LRRC69: variants seen among roughly 807,000 people sequenced by gnomAD.
LRRC69 encodes the protein leucine-rich repeat-containing protein 69.
Under a neutral mutation model 37.8 loss-of-function variants are expected in LRRC69, and 42 were observed. The ratio of observed to expected loss-of-function variants is 1.11; its 90% CI spans 0.87 to 1.44. The LOEUF is 1.44. LRRC69 is among the 40% of genes most tolerant of loss of function. The pLI is 0.00. For synonymous variants in LRRC69, 141 were observed against 143.1 expected (o/e 0.99, Z 0.11); for missense variants, 357 against 401.9 (o/e 0.89, Z 0.96).
chr8:91,120,959 A>T (rs1417743319), intron 1 of LRRC69, among the ~76,000 whole-genome samples: 2 of 152,028 alleles, frequency 1.3e-5, no homozygotes, highest in African/African-American at 2.4e-5. Context: ...TCTTAATTTT[A>T]ACAGGGATAA....
rs1813834612 is a variant in LRRC69, at chr8:91,133,035, C to G, written c.384-75C>G. ...AAAATAAATTGACACATGGCTTCTGCTAAGTTGGGCCTATATAGTGGACTC... is the reference window on the plus strand; with the variant it reads ...AAAATAAATTGACACATGGCTTCTGGTAAGTTGGGCCTATATAGTGGACTC... On this transcript the variant is annotated intron_variant, in intron 3 of 7. Transcript: ENST00000448384. The G allele has an allele frequency of 4.9e-6, 4 of 818,440 alleles. No individual in the cohort carries two copies. In the South Asian group the frequency reaches 7.6e-5, roughly 16 times the overall value. 50.7% of individuals were successfully genotyped at this position (818,440 alleles called of 1,614,324 possible).
Position 91,116,539 on chromosome 8 carries a change from CAT to C in LRRC69, c.184-7941_184-7940del, listed in dbSNP as rs66744420. 4.3e-4 allele frequency among the ~76,000 whole-genome samples: 65 copies of C among 150,622 alleles called. No individual in the cohort carries two copies. In the Middle Eastern group the frequency reaches 0.01, roughly 24 times the overall value. On this transcript the variant is annotated intron_variant, in intron 1 of 7. Coordinates refer to ENST00000448384, the Ensembl canonical transcript of LRRC69. ...GTGTGTGAGCATATGTGTCTGTATA[CAT>C]ATATATATATATTTGTATCATGTGC...
At chr8:91,163,266 T>G (rs1366749271) in intron 5 of LRRC69, among the ~76,000 whole-genome samples, 2 of 151,486 alleles carry the variant, frequency 1.3e-5, no homozygotes, top group Non-Finnish European at 3.0e-5. Flanking sequence ...ATTGTTTTTA[T>G]GTACCCACCC....
At chr8:91,155,323 C>T (rs1241896667) in intron 5 of LRRC69, among the ~76,000 whole-genome samples, 1 of 150,888 alleles carries the variant, frequency 6.6e-6, no homozygotes, top group East Asian at 2.0e-4. Flanking sequence ...TACATACCTC[C>T]ATCTTTTTAA....
intron 5 of LRRC69, among the ~76,000 whole-genome samples, chr8:91,155,800 C>T (rs1409634253): frequency 6.7e-6 from 1 of 150,106 alleles, no homozygotes; most frequent in Admixed American, 6.7e-5. Context: ...TCCATATTGC[C>T]TCGAATGACA....
intron 2 of LRRC69, among the ~76,000 whole-genome samples, chr8:91,125,982 C>A (rs979132112): frequency 1.6e-4 from 25 of 151,926 alleles, no homozygotes; most frequent in African/African-American, 6.0e-4. Context: ...ATTGGCATAG[C>A]CATCATCTCA....
chr8:91,157,383 T>C, intron 5 of LRRC69: 1 of 1,607,888 alleles, frequency 6.2e-7, no homozygotes, highest in African/African-American at 1.3e-5. Context: ...ATCCTGTATG[T>C]CTAGCTAAGA....
At chr8:91,102,967 T>C in intron 1 of LRRC69, 123 bp downstream of exon 1, 1 of 930,722 alleles carries the variant, frequency 1.1e-6, no homozygotes, top group Non-Finnish European at 1.6e-6. Flanking sequence ...ATCTGGAGAC[T>C]TAATGTGGAG....
At chr8:91,160,209 T>G (rs1050644340) in intron 5 of LRRC69, among the ~76,000 whole-genome samples, 4 of 151,230 alleles carry the variant, frequency 2.6e-5, no homozygotes, top group Non-Finnish European at 5.9e-5. Flanking sequence ...GAATCACTAC[T>G]GATTTTTGTT....
In LRRC69 at chr8:91,127,237, A is replaced by G. The variant is rs1813732759; in HGVS notation, c.383+77A>G. 16 of 1,065,616 alleles carry G rather than the reference A, an allele frequency of 1.5e-5. No homozygotes were observed. The East Asian group carries it at 4.2e-4, about 28-fold the overall frequency. The allele number at this position is 1,065,616 out of a possible 1,614,324, so 66.0% of individuals were successfully genotyped here. The stretch of plus-strand genomic sequence containing the variant: ...CCCACCCTGGTCATTTGAAAGCATT[A>G]TGCCTAGCATAAGTCCCTGTGAGAT... On this transcript the variant is annotated intron_variant, in intron 3 of 7. Transcript: ENST00000448384.
chr8:91,162,918 A>C (rs1187710515), intron 5 of LRRC69, among the ~76,000 whole-genome samples: 2 of 150,970 alleles, frequency 1.3e-5, no homozygotes, highest in East Asian at 3.9e-4. Context: ...AAACCTACCC[A>C]TTAGATTATG....
In LRRC69 at chr8:91,147,565, C is replaced by T. The variant is rs113491886; in HGVS notation, c.651+11826C>T. Among the ~76,000 whole-genome samples, 773 of 151,672 alleles carry T rather than the reference C, an allele frequency of 5.1e-3. 4 individuals are homozygous for T. Among genetic ancestry groups the T allele is most frequent in the African/African-American group, 0.017 (718 of 41,496 alleles). The stretch of plus-strand genomic sequence containing the variant: ...GACTGCAGGCATGTGCCACTTTGCC[C>T]AGCCTGCTGTGTATATTTAATTTGT... On this transcript the variant is annotated intron_variant, in intron 5 of 7. Transcript: ENST00000448384.
At chr8:91,178,128 G>C (rs557757257) in intron 5 of LRRC69, among the ~76,000 whole-genome samples, 1 of 152,280 alleles carries the variant, frequency 6.6e-6, no homozygotes, top group South Asian at 2.1e-4. Flanking sequence ...GATTACAGGC[G>C]TGAGCCACTG....
At chr8:91,164,897 A>G (rs1305000974) in intron 5 of LRRC69, among the ~76,000 whole-genome samples, 1 of 151,612 alleles carries the variant, frequency 6.6e-6, no homozygotes, top group South Asian at 2.1e-4. Context: ...TTAATATTGC[A>G]TGTTCTTTTA....
At chr8:91,155,277 T>C (rs1167401689) in intron 5 of LRRC69, among the ~76,000 whole-genome samples, 1 of 151,100 alleles carries the variant, frequency 6.6e-6, no homozygotes, top group Admixed American at 6.6e-5. Flanking sequence ...TATTTGATAC[T>C]TATTCTCTCC....
chr8:91,197,197 A>G (rs1586280990), intron 6 of LRRC69, among the ~76,000 whole-genome samples: 1 of 152,282 alleles, frequency 6.6e-6, no homozygotes, highest in African/African-American at 2.4e-5. Flanking sequence ...CAGTCCGCCC[A>G]TTCTCAGATC....
At chr8:91,180,923 G>A (rs1259015581) in intron 5 of LRRC69, among the ~76,000 whole-genome samples, 1 of 152,142 alleles carries the variant, frequency 6.6e-6, no homozygotes, top group Non-Finnish European at 1.5e-5. Flanking sequence ...GGATAATTGT[G>A]TAGAAAGTGA....
At chr8:91,218,355 A>AAGAAGTAAG (rs60094350) in intron 7 of LRRC69, among the ~76,000 whole-genome samples, 2 of 151,928 alleles carry the variant, frequency 1.3e-5, no homozygotes, top group African/African-American at 4.8e-5. Context: ...ATTTTGTACA[A>AAGAAGTAAG]ATTATTTTGA....
chr8:91,127,159 A>G (rs925358878), exon 3 of LRRC69: 2 of 1,548,172 alleles, frequency 1.3e-6, no homozygotes, highest in Non-Finnish European at 1.7e-6. Context: ...AGAAGTCAGC[A>G]GGTAATTTTG....
Sources: gnomAD v4.1 joint callset for allele counts (sites outside exome capture counted in the v4.1 genomes callset) on GRCh38, gnomAD v4.1.1 for gene constraint, MANE v1.5 for transcripts, NCBI Gene and HGNC (gene_info 2026-07-23, HGNC 2026-07-21) for gene names.